Variants in DHRSX observed in about 807,000 individuals in gnomAD.
DHRSX encodes the protein polyprenol dehydrogenase.
Under a neutral mutation model 34.0 loss-of-function variants are expected in DHRSX, and 31 were observed. The ratio of observed to expected loss-of-function variants is 0.91; its 90% CI spans 0.69 to 1.23. The LOEUF (loss-of-function observed/expected upper bound fraction) is 1.23. Ranked by LOEUF, DHRSX falls within the 50% of genes most tolerant of loss-of-function variation. DHRSX has a pLI of 0.00. For synonymous variants in DHRSX, 201 were observed against 183.8 expected (o/e 1.09, Z -0.76); for missense variants, 414 against 428.1 (o/e 0.97, Z 0.29).
chrX:2,328,865 C>T (rs1004735641), intron 3 of DHRSX, among the ~76,000 whole-genome samples: 2 of 152,246 alleles, frequency 1.3e-5, no homozygotes, highest in Non-Finnish European at 2.9e-5. Flanking sequence ...GAGACTCCAG[C>T]ATCTGCCATA....
intron 1 of DHRSX, chrX:2,490,121 A>G (rs761231056): frequency 1.1e-5 from 18 of 1,613,622 alleles, no homozygotes; most frequent in Non-Finnish European, 1.4e-5. Context: ...ACTCCTCCAC[A>G]TGTCGGTGGA....
intron 6 of DHRSX, among the ~76,000 whole-genome samples, chrX:2,239,704 G>A (rs113109140): frequency 0.027 from 4,175 of 152,170 alleles, 212 homozygotes; most frequent in African/African-American, 0.095. Context: ...GGGAGGCGGA[G>A]CTTGCAGTGA....
At chrX:2,345,453 G>A (rs974010347) in intron 3 of DHRSX, among the ~76,000 whole-genome samples, 4 of 151,742 alleles carry the variant, frequency 2.6e-5, no homozygotes, top group African/African-American at 4.8e-5. Context: ...GATCAGCCTG[G>A]CCAACATGGT....
intron 1 of DHRSX, among the ~76,000 whole-genome samples, chrX:2,494,215 T>C (rs2045228024): frequency 6.6e-6 from 1 of 151,978 alleles, no homozygotes; most frequent in Non-Finnish European, 1.5e-5. Flanking sequence ...ATTGCTGTTA[T>C]TATTATTTGG....
At chrX:2,357,467 C>T (rs768729621) in intron 3 of DHRSX, among the ~76,000 whole-genome samples, 3 of 151,900 alleles carry the variant, frequency 2.0e-5, no homozygotes, top group Admixed American at 6.6e-5. Context: ...CTGATGAAAC[C>T]GTGGAGCTTT....
At chrX:2,346,932 G>C (rs1376601968) in intron 3 of DHRSX, among the ~76,000 whole-genome samples, 3 of 152,080 alleles carry the variant, frequency 2.0e-5, no homozygotes. Context: ...AGTTTGCTGA[G>C]AATGATGGTT....
At chrX:2,422,175 T>C (rs1275306326) in intron 2 of DHRSX, among the ~76,000 whole-genome samples, 1 of 152,182 alleles carries the variant, frequency 6.6e-6, no homozygotes, top group African/African-American at 2.4e-5. Context: ...TTGTTTATGA[T>C]CCATGATCAT....
intron 3 of DHRSX, among the ~76,000 whole-genome samples, chrX:2,388,859 C>G (rs905770082): frequency 2.0e-5 from 3 of 151,488 alleles, no homozygotes; most frequent in Admixed American, 6.6e-5. Context: ...TATTCTGTGA[C>G]AGCAGCCTGA....
chrX:2,384,496 T>G (rs1017411680), intron 3 of DHRSX, among the ~76,000 whole-genome samples: 2 of 152,088 alleles, frequency 1.3e-5, no homozygotes, highest in East Asian at 3.9e-4. Flanking sequence ...CACAGGAGGG[T>G]AGGTCTTGGA....
At chrX:2,468,593 C>T (rs891195607) in intron 1 of DHRSX, among the ~76,000 whole-genome samples, 5 of 143,114 alleles carry the variant, frequency 3.5e-5, no homozygotes, top group African/African-American at 1.0e-4. Flanking sequence ...ACACTGAAGA[C>T]GTTCCCTAAG....
intron 6 of DHRSX, among the ~76,000 whole-genome samples, chrX:2,239,383 G>A (rs1424341244): frequency 7.0e-6 from 1 of 142,452 alleles, no homozygotes. Flanking sequence ...CAACCTGGGC[G>A]AACAGCAAGA....
rs1439932966 is a variant in DHRSX, at chrX:2,459,354, A to G, written c.110-34050T>C. 3.3e-5 allele frequency among the ~76,000 whole-genome samples: 5 copies of G among 151,886 alleles called. No homozygotes were observed. In the East Asian group the frequency reaches 5.8e-4, roughly 18 times the overall value. On this transcript the variant is annotated intron_variant, in intron 1 of 6. Transcript: ENST00000334651. The stretch of plus-strand genomic sequence containing the variant: ...ATCTGAATATGTAAATTAGCTTGTT[A>G]ATATGTTAATTAGCTTGATTGTTAA...
chrX:2,412,315 C>A (rs1377709332), intron 2 of DHRSX, among the ~76,000 whole-genome samples: 1 of 152,154 alleles, frequency 6.6e-6, no homozygotes, highest in Non-Finnish European at 1.5e-5. Context: ...AACGCCTGAC[C>A]TCGGGTGACC....
At chrX:2,371,560 C>CCTCCTTCCATTACCATAGTA (rs1569494777) in intron 3 of DHRSX, among the ~76,000 whole-genome samples, 1 of 125,460 alleles carries the variant, frequency 8.0e-6, no homozygotes, top group African/African-American at 2.7e-5. Flanking sequence ...TTACCATAGT[C>CCTCCTTCCATTACCATAGTA]CCTCCTTCCA....
intron 1 of DHRSX, among the ~76,000 whole-genome samples, chrX:2,428,129 G>A (rs1163581095): frequency 3.9e-5 from 6 of 152,140 alleles, no homozygotes; most frequent in African/African-American, 7.2e-5. Context: ...GATGGGATGA[G>A]GGATGAGAAA....
rs774932813 is a variant in DHRSX at position 2,472,005 on chromosome X, C to T, written c.109+28812G>A. Among the ~76,000 whole-genome samples, 4 of 151,784 alleles carry T rather than the reference C, an allele frequency of 2.6e-5. No homozygotes were observed. In the East Asian group the frequency reaches 5.8e-4, roughly 22 times the overall value. ...TACTAAAAATACAAAATTAGCCGGG[C>T]GTGGTGGCATGTGTCTGTAATCTCA... On this transcript the variant is annotated intron_variant, in intron 1 of 6. Transcript: ENST00000334651.
chrX:2,353,946 C>T (rs1179556318), intron 3 of DHRSX, among the ~76,000 whole-genome samples: 5 of 152,024 alleles, frequency 3.3e-5, no homozygotes, highest in Admixed American at 1.3e-4. Flanking sequence ...TGACTGAGTA[C>T]CAGTGGGATA....
intron 3 of DHRSX, among the ~76,000 whole-genome samples, chrX:2,333,325 AG>A (rs2042506466): frequency 6.6e-6 from 1 of 152,094 alleles, no homozygotes; most frequent in African/African-American, 2.4e-5. Flanking sequence ...TAGATTCGGG[AG>A]GAGTCCATGT....
rs1364076887 is a variant in DHRSX at position 2,362,757 on chromosome X, TGCC to T, written c.286+45985_286+45987del. On this transcript the variant is annotated intron_variant, in intron 3 of 6. Transcript: ENST00000334651. ...ATTTTATCACCGTTCTATGGTATCA[TGCC>T]GCCATTTTATCACCGTTCTATGGTA... 2.3e-3 allele frequency among the ~76,000 whole-genome samples: 346 copies of T among 151,192 alleles called. 1 individual carries two copies. Among genetic ancestry groups the T allele is most frequent in the African/African-American group, 7.9e-3 (323 of 41,136 alleles).
Sources: allele counts gnomAD v4.1 joint callset (sites outside exome capture counted in the v4.1 genomes callset), GRCh38; gene constraint gnomAD v4.1.1; transcripts MANE v1.5; gene names NCBI Gene and HGNC (gene_info 2026-07-23, HGNC 2026-07-21).